The following CNBD1 variants were observed in gnomAD, a reference collection of about 807,000 sequenced individuals.
CNBD1 encodes the protein cyclic nucleotide binding domain containing 1.
CNBD1 carries 71 observed loss-of-function variants against 54.4 expected under a neutral mutation model. That is an observed-to-expected ratio of 1.30 (90% confidence interval 1.08 to 1.59). The LOEUF (loss-of-function observed/expected upper bound fraction) is 1.59, where lower values mean the gene tolerates loss of function less well. CNBD1 is among the 40% of genes most tolerant of loss of function. The pLI, the probability that CNBD1 is intolerant of heterozygous loss-of-function variation, is 0.00. For synonymous variants in CNBD1, 182 were observed against 170.7 expected (o/e 1.07, Z -0.51); for missense variants, 659 against 518.0 (o/e 1.27, Z -2.64).
chr8:87,050,591 A>C (rs186360009), intron 4 of CNBD1, among the ~76,000 whole-genome samples: 11 of 152,316 alleles, frequency 7.2e-5, no homozygotes, highest in Admixed American at 2.6e-4. Context: ...GGATCTTTGA[A>C]GGCAAACAGG....
intron 2 of CNBD1, among the ~76,000 whole-genome samples, chr8:87,419,789 A>G (rs1049514359): frequency 6.6e-6 from 1 of 151,760 alleles, no homozygotes; most frequent in Non-Finnish European, 1.5e-5. Context: ...ATTCTATGAA[A>G]AATTTAAGGA....
At chr8:87,224,184 T>C (rs1242122126) in intron 5 of CNBD1, among the ~76,000 whole-genome samples, 1 of 151,836 alleles carries the variant, frequency 6.6e-6, no homozygotes, top group African/African-American at 2.4e-5. Context: ...TTCTCCCATT[T>C]TGTAGGTTGC....
chr8:87,079,035 C>G (rs540811454), intron 4 of CNBD1, among the ~76,000 whole-genome samples: 1 of 148,684 alleles, frequency 6.7e-6, no homozygotes, highest in African/African-American at 2.4e-5. Flanking sequence ...TTTCTAGACC[C>G]AGGAAACTAC....
chr8:86,957,802 G>A (rs113411938), intron 4 of CNBD1, among the ~76,000 whole-genome samples: 23 of 152,076 alleles, frequency 1.5e-4, no homozygotes, highest in African/African-American at 5.1e-4. Context: ...TCGATTTTTT[G>A]TAGGATTTTT....
intron 8 of CNBD1, among the ~76,000 whole-genome samples, chr8:87,308,702 A>T (rs1809205426): frequency 6.6e-6 from 1 of 152,044 alleles, no homozygotes; most frequent in Non-Finnish European, 1.5e-5. Flanking sequence ...CTTTTATGTA[A>T]CTATAATTTT....
chr8:87,371,200 G>T (rs1276632813), intron 10 of CNBD1, among the ~76,000 whole-genome samples: 64 of 151,834 alleles, frequency 4.2e-4, no homozygotes, highest in African/African-American at 1.4e-3. Context: ...AGGATTGACT[G>T]GGCAATGGGG....
At chr8:87,156,473 AC>A (rs146527103) in intron 4 of CNBD1, among the ~76,000 whole-genome samples, 5,473 of 151,250 alleles carry the variant, frequency 0.036, 332 homozygotes, top group African/African-American at 0.12. Context: ...TCAACCCCTG[AC>A]CTCAAGTGAT....
chr8:87,362,376 G>A (rs1040850795), intron 10 of CNBD1, among the ~76,000 whole-genome samples: 26 of 152,064 alleles, frequency 1.7e-4, no homozygotes, highest in Admixed American at 1.3e-3. Context: ...AAGTTCAGGA[G>A]GAAGTGTTAG....
chr8:87,251,334 C>A (rs1340283953), intron 6 of CNBD1, among the ~76,000 whole-genome samples: 3 of 151,926 alleles, frequency 2.0e-5, no homozygotes, highest in Non-Finnish European at 4.4e-5. Flanking sequence ...TGCCTGTAAT[C>A]CCAGCACTTT....
intron 2 of CNBD1, among the ~76,000 whole-genome samples, chr8:87,390,526 CA>C (rs1261413452): frequency 1.3e-5 from 2 of 152,244 alleles, no homozygotes; most frequent in Non-Finnish European, 1.5e-5. Context: ...AAATGCAAAT[CA>C]AAACCATAGT....
intron 6 of CNBD1, among the ~76,000 whole-genome samples, chr8:87,249,757 C>T (rs1025520513): frequency 1.3e-5 from 2 of 152,090 alleles, no homozygotes; most frequent in African/African-American, 4.8e-5. Flanking sequence ...GTTTCTGATG[C>T]AAAATTCTCA....
chr8:87,172,275 G>A (rs536088901), intron 4 of CNBD1, among the ~76,000 whole-genome samples: 1 of 151,942 alleles, frequency 6.6e-6, no homozygotes, highest in Admixed American at 6.6e-5. Context: ...TTTAAGACTG[G>A]TTTTGTGACC....
intron 1 of CNBD1, among the ~76,000 whole-genome samples, chr8:86,877,174 T>A (rs113566206): frequency 1.6e-4 from 25 of 152,222 alleles, no homozygotes; most frequent in African/African-American, 5.1e-4. Flanking sequence ...ACTGTAACTA[T>A]TAATTATCTA....
At chr8:87,321,346 C>A (rs961411450) in intron 8 of CNBD1, among the ~76,000 whole-genome samples, 1 of 152,134 alleles carries the variant, frequency 6.6e-6, no homozygotes, top group Non-Finnish European at 1.5e-5. Context: ...TTGTAGTTTT[C>A]TGGTTTGTGT....
intron 3 of CNBD1, among the ~76,000 whole-genome samples, chr8:86,913,215 C>G (rs1277266035): frequency 2.0e-5 from 3 of 152,134 alleles, no homozygotes; most frequent in Non-Finnish European, 4.4e-5. Context: ...TATTCACATA[C>G]AGTAATGTCC....
chr8:87,056,179 T>C (rs1810413596), intron 4 of CNBD1, among the ~76,000 whole-genome samples: 2 of 152,106 alleles, frequency 1.3e-5, no homozygotes, highest in Non-Finnish European at 2.9e-5. Context: ...TGTTAGCCTA[T>C]ACAGAGCCTT....
intron 4 of CNBD1, among the ~76,000 whole-genome samples, chr8:86,950,755 G>C (rs1299081808): frequency 6.6e-6 from 1 of 152,140 alleles, no homozygotes; most frequent in Non-Finnish European, 1.5e-5. Flanking sequence ...TAATTCAGCA[G>C]TGAAGTCAGG....
At position 86,870,189 on chromosome 8, in the gene CNBD1, C is replaced by CTTTTTTTTTTTTTTTTTTTTTTT. The variant is rs71275890; in HGVS notation, c.88+3621_88+3622insTTTTTTTTTTTTTTTTTTTTTTT. Among the ~76,000 whole-genome samples, 3 of 100,624 alleles carry CTTTTTTTTTTTTTTTTTTTTTTT rather than the reference C, an allele frequency of 3.0e-5. 1 individual carries two copies. Among genetic ancestry groups the CTTTTTTTTTTTTTTTTTTTTTTT allele is most frequent in the Non-Finnish European group, 5.6e-5 (3 of 53,428 alleles). The allele number at this position is 100,624 out of a possible 152,430, so 66.0% of individuals were successfully genotyped here. A position where few individuals can be genotyped will look rare whatever the true frequency, so the allele number is the denominator to read the frequency against. On this transcript the variant is annotated intron_variant, in intron 1 of 10. Transcript: ENST00000518476. ...AGAAATTTAGAAACAAGATAGTACT[C>CTTTTTTTTTTTTTTTTTTTTTTT]TTTTTTTTTTTTTTTCTGAGACGGA...
chr8:87,400,554 G>T (rs1447275692), intron 2 of CNBD1, among the ~76,000 whole-genome samples: 2 of 151,894 alleles, frequency 1.3e-5, no homozygotes, highest in Non-Finnish European at 2.9e-5. Context: ...TTTCAAGATA[G>T]ACCCAAGTTC....
Sources: gnomAD v4.1 joint callset for allele counts (sites outside exome capture counted in the v4.1 genomes callset) on GRCh38, gnomAD v4.1.1 for gene constraint, MANE v1.5 for transcripts, NCBI Gene and HGNC (gene_info 2026-07-23, HGNC 2026-07-21) for gene names.